Variants in HS3ST5 observed in about 807,000 individuals in gnomAD.
HS3ST5 encodes the protein heparan sulfate glucosamine 3-O-sulfotransferase 5.
A neutral mutation model predicts 25.4 loss-of-function variants in HS3ST5; 10 were observed. That is an observed-to-expected ratio of 0.39 (90% CI 0.24 to 0.67). The LOEUF is 0.67. Ranked by LOEUF, HS3ST5 falls within the 30% of genes least tolerant of loss-of-function variation. The pLI is 0.44. For missense variants in HS3ST5, 324 were observed against 420.7 expected (o/e 0.77, Z 2.01); for synonymous variants, 170 against 162.4 (o/e 1.05, Z -0.36).
intron 1 of HS3ST5, among the ~76,000 whole-genome samples, chr6:114,295,577 T>A (rs1774782844): frequency 6.6e-6 from 1 of 152,224 alleles, no homozygotes; most frequent in African/African-American, 2.4e-5. Context: ...AACGTCAGAT[T>A]GTTGTATAAT....
At chr6:114,295,351 C>T (rs1399258937) in intron 1 of HS3ST5, among the ~76,000 whole-genome samples, 1 of 152,004 alleles carries the variant, frequency 6.6e-6, no homozygotes, top group Non-Finnish European at 1.5e-5. Flanking sequence ...ACATTGAGTC[C>T]TCAGTAAACT....
chr6:114,280,683 G>A (rs1382547177), intron 1 of HS3ST5, among the ~76,000 whole-genome samples: 1 of 152,030 alleles, frequency 6.6e-6, no homozygotes, highest in Non-Finnish European at 1.5e-5. Flanking sequence ...TCTAAAGGCA[G>A]TAAATAAGAG....
chr6:114,244,889 A>C (rs1772310233), intron 1 of HS3ST5, among the ~76,000 whole-genome samples: 1 of 152,198 alleles, frequency 6.6e-6, no homozygotes, highest in Admixed American at 6.5e-5. Flanking sequence ...TATTATCTTA[A>C]GTTTACTTCA....
In HS3ST5 at chr6:114,335,015, G is replaced by A. The variant is rs59099070; in HGVS notation, c.-339+7180C>T. ...TGCAAGGAAGATACAGGAAAGTAGGGAGGCATGGGTTTTAAGGCCCAGAAA... is the reference window on the plus strand; with the variant it reads ...TGCAAGGAAGATACAGGAAAGTAGGAAGGCATGGGTTTTAAGGCCCAGAAA... On this transcript the variant is annotated intron_variant, in intron 1 of 4. Coordinates refer to ENST00000312719, the MANE Select transcript of HS3ST5 (RefSeq NM_153612.4). Among the ~76,000 whole-genome samples the A allele has an allele frequency of 2.4e-3, 364 of 152,240 alleles. 1 individual carries two copies. Among genetic ancestry groups the A allele is most frequent in the African/African-American group, 8.3e-3 (344 of 41,526 alleles).
chr6:114,261,644 G>A (rs1334426198), intron 1 of HS3ST5, among the ~76,000 whole-genome samples: 1 of 152,128 alleles, frequency 6.6e-6, no homozygotes, highest in African/African-American at 2.4e-5. Context: ...TTAACAATAA[G>A]CATTTTCCCC....
At chr6:114,327,593 C>T (rs190543296) in intron 1 of HS3ST5, among the ~76,000 whole-genome samples, 4 of 152,200 alleles carry the variant, frequency 2.6e-5, no homozygotes, top group Admixed American at 2.6e-4. Context: ...ATCCAGATAA[C>T]TTAAAACAGC....
chr6:114,227,093 C>T (rs1171007986), intron 2 of HS3ST5, among the ~76,000 whole-genome samples: 2 of 151,740 alleles, frequency 1.3e-5, no homozygotes, highest in African/African-American at 2.4e-5. Context: ...GCATGTGAAA[C>T]TTCATTATTA....
At chr6:114,238,067 G>A (rs975521080) in intron 1 of HS3ST5, among the ~76,000 whole-genome samples, 2 of 152,150 alleles carry the variant, frequency 1.3e-5, no homozygotes, top group African/African-American at 4.8e-5. Context: ...AATCATGATA[G>A]TGGGAACACA....
intron 2 of HS3ST5, among the ~76,000 whole-genome samples, chr6:114,183,634 T>C (rs1037528001): frequency 7.2e-5 from 11 of 152,046 alleles, no homozygotes; most frequent in African/African-American, 2.4e-4. Flanking sequence ...CACCTACAAA[T>C]GTGGAAGTGA....
At chr6:114,276,151 A>T (rs752901384) in intron 1 of HS3ST5, among the ~76,000 whole-genome samples, 1 of 143,196 alleles carries the variant, frequency 7.0e-6, no homozygotes, top group Non-Finnish European at 1.5e-5. Context: ...CAAGGGGGGA[A>T]ATTGGAAACC....
At chr6:114,123,507 G>T (rs1450975107) in intron 3 of HS3ST5, among the ~76,000 whole-genome samples, 1 of 152,132 alleles carries the variant, frequency 6.6e-6, no homozygotes, top group Non-Finnish European at 1.5e-5. Flanking sequence ...ATGAATAATT[G>T]TCCAATTAAA....
chr6:114,218,385 T>C (rs1410134466), intron 2 of HS3ST5, among the ~76,000 whole-genome samples: 1 of 152,226 alleles, frequency 6.6e-6, no homozygotes, highest in Non-Finnish European at 1.5e-5. Context: ...TGTTTTCATT[T>C]TGTTACCTGA....
At chr6:114,304,239 A>G (rs1343588919) in intron 1 of HS3ST5, among the ~76,000 whole-genome samples, 1 of 152,152 alleles carries the variant, frequency 6.6e-6, no homozygotes, top group Non-Finnish European at 1.5e-5. Context: ...ATGGTATCAT[A>G]TATTAAGAAT....
At position 114,342,529 on chromosome 6, in the gene HS3ST5, G is replaced by T. The variant is rs898837902; in HGVS notation, c.-673C>A. ...TAGGGCGCGTTTCCTGCACTTCCCC[G>T]AGAGGCTGGAACCAGGTGCGGCAGG... On this transcript the variant is annotated 5_prime_UTR_variant, in exon 1 of 5. Transcript: ENST00000312719. 3 of 156,116 alleles carry T rather than the reference G, an allele frequency of 1.9e-5. No homozygotes were observed. The highest frequency in any genetic ancestry group is 1.9e-4 in the East Asian group (1 of 5,322). 9.7% of individuals were successfully genotyped at this position (156,116 alleles called of 1,614,324 possible). A position where few individuals can be genotyped will look rare whatever the true frequency, so the allele number is the denominator to read the frequency against.
chr6:114,069,516 ATTTTTTT>A (rs373504728), intron 3 of HS3ST5, among the ~76,000 whole-genome samples: 2 of 130,678 alleles, frequency 1.5e-5, no homozygotes, highest in South Asian at 4.9e-4. Context: ...ACATGGGAGA[ATTTTTTT>A]TTTTTTTTTT....
intron 2 of HS3ST5, among the ~76,000 whole-genome samples, chr6:114,207,707 A>G (rs1337489162): frequency 6.6e-6 from 1 of 152,142 alleles, no homozygotes; most frequent in African/African-American, 2.4e-5. Context: ...TTTCCAATGA[A>G]AAAAAATCTT....
At chr6:114,273,703 A>G (rs1206958037) in intron 1 of HS3ST5, among the ~76,000 whole-genome samples, 1 of 152,034 alleles carries the variant, frequency 6.6e-6, no homozygotes, top group Non-Finnish European at 1.5e-5. Flanking sequence ...GTCAAATGCC[A>G]ATAGGTCAAA....
At chr6:114,078,098 T>C (rs1469383568) in intron 3 of HS3ST5, among the ~76,000 whole-genome samples, 1 of 152,204 alleles carries the variant, frequency 6.6e-6, no homozygotes, top group Non-Finnish European at 1.5e-5. Context: ...AAATTTAACA[T>C]GTTTGATATA....
At chr6:114,093,876 C>T (rs1449050254) in intron 3 of HS3ST5, among the ~76,000 whole-genome samples, 1 of 152,106 alleles carries the variant, frequency 6.6e-6, no homozygotes, top group East Asian at 1.9e-4. Context: ...TCTAAAAAAG[C>T]AGACATGGGC....
Sources: gnomAD v4.1 joint callset for allele counts (sites outside exome capture counted in the v4.1 genomes callset) on GRCh38, gnomAD v4.1.1 for gene constraint, MANE v1.5 for transcripts, NCBI Gene and HGNC (gene_info 2026-07-23, HGNC 2026-07-21) for gene names.